Variants in ABL2 observed in about 807,000 individuals in gnomAD.
ABL2 encodes the protein ABL proto-oncogene 2, non-receptor tyrosine kinase.
Under a neutral mutation model 107.7 loss-of-function variants are expected in ABL2, and 49 were observed. That is an observed-to-expected ratio of 0.45 (90% CI 0.36 to 0.58). The LOEUF (loss-of-function observed/expected upper bound fraction) is 0.58. ABL2 is among the 20% of genes least tolerant of loss of function. ABL2 has a pLI of 0.00. For missense variants in ABL2, 1,245 were observed against 1,457.0 expected (o/e 0.85, Z 2.37); for synonymous variants, 549 against 548.6 (o/e 1.00, Z -0.01).
intron 1 of ABL2, among the ~76,000 whole-genome samples, chr1:179,229,030 G>GC (rs905877928): frequency 6.6e-6 from 1 of 151,894 alleles, no homozygotes. Flanking sequence ...TTCCTTCTCC[G>GC]CCCCCGGGAT....
chr1:179,118,446 G>T, intron 7 of ABL2, 141 bp downstream of exon 7: 1 of 752,574 alleles, frequency 1.3e-6, no homozygotes, highest in Non-Finnish European at 2.1e-6. Flanking sequence ...AGTTAGAAGT[G>T]ACATTATAAT....
In ABL2 at chr1:179,109,106, T is replaced by TC. The variant is rs771692956; in HGVS notation, c.2160dup (p.Ser721GlufsTer9). On this transcript the variant is annotated frameshift_variant, in exon 12 of 12. Coordinates refer to ENST00000502732, the MANE Select transcript of ABL2 (RefSeq NM_007314.4). LOFTEE classifies it high-confidence loss of function. ...TTACAGAGGTTCCTCTGTGCAAAGC[T>TC]CCCCCCATAGCACTTGGGTGGCACC... 6.8e-7 allele frequency: 1 copy of TC among 1,464,858 alleles called. No individual in the cohort carries two copies. The highest frequency in any genetic ancestry group is 1.1e-5 in the South Asian group (1 of 88,620). 90.7% of individuals were successfully genotyped at this position (1,464,858 alleles called of 1,614,324 possible).
chr1:179,158,869 G>A (rs1351164309), intron 1 of ABL2, among the ~76,000 whole-genome samples: 2 of 152,126 alleles, frequency 1.3e-5, no homozygotes, highest in Non-Finnish European at 2.9e-5. Context: ...TAACAGAAAA[G>A]AGTCATGCCT....
At chr1:179,210,520 A>AAAAAAAAAAAAAAAG (rs1662212593) in intron 1 of ABL2, among the ~76,000 whole-genome samples, 1 of 146,462 alleles carries the variant, frequency 6.8e-6, no homozygotes, top group African/African-American at 2.6e-5. Flanking sequence ...AAAAAAAAAG[A>AAAAAAAAAAAAAAAG]AAAAAAAAAG....
intron 9 of ABL2, among the ~76,000 whole-genome samples, chr1:179,114,594 G>T (rs1388560295): frequency 6.6e-6 from 1 of 151,748 alleles, no homozygotes; most frequent in African/African-American, 2.4e-5. Flanking sequence ...AGTTGAAAAC[G>T]GCCCTCCCCA....
intron 1 of ABL2, among the ~76,000 whole-genome samples, chr1:179,138,260 G>C (rs1657225124): frequency 6.6e-6 from 1 of 152,270 alleles, no homozygotes; most frequent in South Asian, 2.1e-4. Flanking sequence ...GTGGCTGTCA[G>C]ATATTGTTTA....
chr1:179,113,170 T>A (rs1003968711), intron 9 of ABL2, among the ~76,000 whole-genome samples: 6 of 152,154 alleles, frequency 3.9e-5, no homozygotes, highest in Non-Finnish European at 8.8e-5. Flanking sequence ...CACTTCGGCC[T>A]CCCAAACTGC....
chr1:179,155,790 A>C (rs1658652455), intron 1 of ABL2, among the ~76,000 whole-genome samples: 1 of 152,124 alleles, frequency 6.6e-6, no homozygotes, highest in Admixed American at 6.5e-5. Flanking sequence ...TCCATCCAAA[A>C]AAAATAACTT....
At position 179,107,371 on chromosome 1, in the gene ABL2, G is replaced by A. The variant is rs533037646; in HGVS notation, c.*347C>T. 8.5e-5 allele frequency: 24 copies of A among 283,874 alleles called. No homozygotes were observed. Among genetic ancestry groups the A allele is most frequent in the African/African-American group, 4.1e-4 (19 of 46,820 alleles). The allele number at this position is 283,874 out of a possible 1,614,324, so 17.6% of individuals were successfully genotyped here. The stretch of plus-strand genomic sequence containing the variant: ...AGCCCCAGGTCTGGGTGCAGCTGCT[G>A]CAGTCTTGCTGAGAGCAGCCCTGCC... On this transcript the variant is annotated 3_prime_UTR_variant, in exon 12 of 12. Transcript: ENST00000502732.
chr1:179,208,651 G>A (rs953030225), intron 1 of ABL2, among the ~76,000 whole-genome samples: 5 of 151,386 alleles, frequency 3.3e-5, no homozygotes, highest in Non-Finnish European at 5.9e-5. Flanking sequence ...CTAGCTGTGT[G>A]GTCTGAAGGC....
chr1:179,140,468 T>C (rs569038443), intron 1 of ABL2, among the ~76,000 whole-genome samples: 84 of 152,240 alleles, frequency 5.5e-4, no homozygotes, highest in Non-Finnish European at 7.6e-4. Flanking sequence ...AAACATAGTG[T>C]ATAATTTACT....
At chr1:179,166,776 CAAAAAAA>C (rs34173352) in intron 1 of ABL2, among the ~76,000 whole-genome samples, 3 of 75,394 alleles carry the variant, frequency 4.0e-5, no homozygotes, top group African/African-American at 1.4e-4. Flanking sequence ...GACTTCATCT[CAAAAAAA>C]AAAAAAAAAA....
At chr1:179,214,539 T>C (rs1176312562) in intron 1 of ABL2, among the ~76,000 whole-genome samples, 3 of 146,574 alleles carry the variant, frequency 2.0e-5, no homozygotes, top group Non-Finnish European at 4.5e-5. Flanking sequence ...TATATATATA[T>C]ATATATATAT....
intron 1 of ABL2, among the ~76,000 whole-genome samples, chr1:179,154,602 C>T (rs1165735244): frequency 1.3e-5 from 2 of 152,212 alleles, no homozygotes; most frequent in African/African-American, 4.8e-5. Flanking sequence ...AAACCTACTG[C>T]TGATGATAGA....
intron 1 of ABL2, among the ~76,000 whole-genome samples, chr1:179,136,545 C>G (rs1479597250): frequency 6.7e-6 from 1 of 148,244 alleles, no homozygotes; most frequent in Non-Finnish European, 1.5e-5. Flanking sequence ...ACTCCCTAAT[C>G]TCAAGTACCC....
chr1:179,127,176 A>AAAAAAC (rs892350239), intron 3 of ABL2, among the ~76,000 whole-genome samples: 5 of 152,288 alleles, frequency 3.3e-5, no homozygotes, highest in Non-Finnish European at 5.9e-5. Flanking sequence ...CACTGATGTA[A>AAAAAAC]AAAAACAAAA....
intron 1 of ABL2, 57 bp from the exon 2 acceptor site, chr1:179,133,431 C>A: frequency 6.2e-7 from 1 of 1,613,516 alleles, no homozygotes; most frequent in South Asian, 1.1e-5. Context: ...AATAGTTTAA[C>A]ATCAAGCTAA....
At chr1:179,162,618 C>CA (rs921421975) in intron 1 of ABL2, among the ~76,000 whole-genome samples, 1 of 151,872 alleles carries the variant, frequency 6.6e-6, no homozygotes, top group Admixed American at 6.6e-5. Flanking sequence ...TAAAAAACCC[C>CA]AAAAAATAGC....
intron 1 of ABL2, among the ~76,000 whole-genome samples, chr1:179,208,403 T>G (rs1558000064): frequency 6.6e-6 from 1 of 152,094 alleles, no homozygotes; most frequent in Non-Finnish European, 1.5e-5. Context: ...ACACAGGGTA[T>G]TTGGTTTTCT....
Sources: allele counts gnomAD v4.1 joint callset (sites outside exome capture counted in the v4.1 genomes callset), GRCh38; gene constraint gnomAD v4.1.1; transcripts MANE v1.5; gene names NCBI Gene and HGNC (gene_info 2026-07-23, HGNC 2026-07-21).